The following ZBTB20 variants were observed in gnomAD, a reference collection of about 807,000 sequenced individuals.
ZBTB20 encodes zinc finger and BTB domain-containing protein 20.
ZBTB20 carries 9 observed loss-of-function variants against 56.9 expected under a neutral mutation model. That is an observed-to-expected ratio of 0.16 (90% CI 0.10 to 0.28). ZBTB20 has a LOEUF of 0.28. ZBTB20 is among the 10% of genes least tolerant of loss of function. ZBTB20 has a pLI of 1.00. For synonymous variants in ZBTB20, 417 were observed against 420.7 expected (o/e 0.99, Z 0.11); for missense variants, 655 against 1,003.0 (o/e 0.65, Z 4.69).
At chr3:114,930,080 C>A (rs75419927) in intron 3 of ZBTB20, among the ~76,000 whole-genome samples, 254 of 152,206 alleles carry the variant, frequency 1.7e-3, no homozygotes, top group African/African-American at 5.8e-3. Context: ...ACAAATAAAT[C>A]CTGCCTTCCA....
At chr3:114,612,623 T>C (rs1442320733) in intron 6 of ZBTB20, among the ~76,000 whole-genome samples, 2 of 152,210 alleles carry the variant, frequency 1.3e-5, no homozygotes, top group African/African-American at 2.4e-5. Context: ...TATTAGCTCC[T>C]TTCTTTTTTA....
At chr3:115,036,889 G>T (rs1054204612) in intron 2 of ZBTB20, among the ~76,000 whole-genome samples, 1 of 152,086 alleles carries the variant, frequency 6.6e-6, no homozygotes, top group Non-Finnish European at 1.5e-5. Flanking sequence ...GAATGTCCAC[G>T]AAGTAAACCA....
At chr3:114,925,118 GA>G (rs1266855778) in intron 3 of ZBTB20, among the ~76,000 whole-genome samples, 1 of 151,056 alleles carries the variant, frequency 6.6e-6, no homozygotes, top group East Asian at 2.0e-4. Context: ...CTAGTAGCTG[GA>G]ATTACAGGCA....
At chr3:114,889,399 G>A (rs2076723756) in intron 4 of ZBTB20, among the ~76,000 whole-genome samples, 1 of 151,850 alleles carries the variant, frequency 6.6e-6, no homozygotes, top group African/African-American at 2.4e-5. Flanking sequence ...CTAAAGGTGG[G>A]AACAAAAGGT....
chr3:114,497,335 T>C (rs1298012105), intron 7 of ZBTB20, among the ~76,000 whole-genome samples: 1 of 152,098 alleles, frequency 6.6e-6, no homozygotes, highest in African/African-American at 2.4e-5. Flanking sequence ...CAAACTCCTC[T>C]GCACGGCATA....
chr3:114,659,806 A>G (rs1278060268), intron 6 of ZBTB20, among the ~76,000 whole-genome samples: 1 of 152,194 alleles, frequency 6.6e-6, no homozygotes, highest in African/African-American at 2.4e-5. Context: ...TGACTTCACT[A>G]GCACACAATG....
At chr3:114,534,264 T>C (rs375306991) in intron 6 of ZBTB20, among the ~76,000 whole-genome samples, 5 of 152,040 alleles carry the variant, frequency 3.3e-5, no homozygotes, top group South Asian at 2.1e-4. Flanking sequence ...AAGACACACA[T>C]AGGCTCAAAA....
chr3:114,592,138 A>G (rs1273676586), intron 6 of ZBTB20, among the ~76,000 whole-genome samples: 1 of 152,186 alleles, frequency 6.6e-6, no homozygotes, highest in Non-Finnish European at 1.5e-5. Flanking sequence ...ATATCTCTCA[A>G]TACTGAGTCT....
chr3:115,105,735 A>G (rs1292161648), intron 1 of ZBTB20, among the ~76,000 whole-genome samples: 2 of 152,244 alleles, frequency 1.3e-5, no homozygotes, highest in Non-Finnish European at 2.9e-5. Flanking sequence ...AATAAACACA[A>G]TAAAATATTT....
chr3:115,128,831 G>A (rs1291980103), intron 1 of ZBTB20, among the ~76,000 whole-genome samples: 1 of 152,066 alleles, frequency 6.6e-6, no homozygotes, highest in African/African-American at 2.4e-5. Flanking sequence ...AGGGCACGGT[G>A]GCTCACGCCT....
chr3:114,561,259 T>C (rs1164846099), intron 6 of ZBTB20, among the ~76,000 whole-genome samples: 2 of 152,224 alleles, frequency 1.3e-5, no homozygotes, highest in Non-Finnish European at 2.9e-5. Flanking sequence ...TTCTTCCAAA[T>C]GCCTGTTAAT....
intron 4 of ZBTB20, among the ~76,000 whole-genome samples, chr3:114,817,575 A>C (rs966374512): frequency 1.3e-5 from 2 of 151,544 alleles, no homozygotes; most frequent in African/African-American, 4.8e-5. Context: ...ATCTCTCTAT[A>C]TATACACACA....
chr3:114,655,242 CTTTTTT>C (rs3085998), intron 6 of ZBTB20, among the ~76,000 whole-genome samples: 10 of 91,676 alleles, frequency 1.1e-4, no homozygotes, highest in South Asian at 3.6e-4. Context: ...TTTTCCTTTC[CTTTTTT>C]TTTTTTTTTT....
chr3:115,023,537 G>A (rs1032454176), intron 2 of ZBTB20, among the ~76,000 whole-genome samples: 5 of 150,382 alleles, frequency 3.3e-5, no homozygotes, highest in Admixed American at 6.7e-5. Flanking sequence ...TCATCTTTCC[G>A]TCTTGATTGC....
chr3:114,521,500 A>G (rs2046631241), intron 6 of ZBTB20, among the ~76,000 whole-genome samples: 1 of 152,126 alleles, frequency 6.6e-6, no homozygotes, highest in Non-Finnish European at 1.5e-5. Flanking sequence ...GGTTTCTTGA[A>G]TCTAGTGCCC....
chr3:114,585,638 G>C (rs1577762949), intron 6 of ZBTB20, among the ~76,000 whole-genome samples: 1 of 152,112 alleles, frequency 6.6e-6, no homozygotes, highest in Non-Finnish European at 1.5e-5. Flanking sequence ...TATGCCCCCT[G>C]TACCACTATA....
chr3:115,120,498 T>C (rs1429480116), intron 1 of ZBTB20, among the ~76,000 whole-genome samples: 10 of 152,066 alleles, frequency 6.6e-5, no homozygotes, highest in African/African-American at 1.2e-4. Flanking sequence ...AGGAGTTATT[T>C]TGGGAACAAA....
intron 5 of ZBTB20, among the ~76,000 whole-genome samples, chr3:114,773,101 G>A (rs2069336657): frequency 6.6e-6 from 1 of 152,184 alleles, no homozygotes; most frequent in South Asian, 2.1e-4. Flanking sequence ...GCAAGGAAAT[G>A]GAGATCTTAG....
rs1371483053 is a variant in ZBTB20, at chr3:114,437,020, T to A, written c.-254-47915A>T. On this transcript the variant is annotated intron_variant, in intron 7 of 11. Coordinates refer to ENST00000675478, the MANE Select transcript of ZBTB20 (RefSeq NM_001348800.3). ...TTCATGCCTTCATGCTATAACCACT[T>A]CAACTCCAAGAGAGTTATCTCAGTG... is the stretch of plus-strand genomic sequence containing the variant. 2.6e-5 allele frequency among the ~76,000 whole-genome samples: 4 copies of A among 152,174 alleles called. No homozygotes were observed. The East Asian group carries it at 7.7e-4, about 29-fold the overall frequency.
Sources: allele counts gnomAD v4.1 joint callset (sites outside exome capture counted in the v4.1 genomes callset), GRCh38; gene constraint gnomAD v4.1.1; transcripts MANE v1.5; gene names NCBI Gene and HGNC (gene_info 2026-07-23, HGNC 2026-07-21).